WDR7: variants seen among roughly 807,000 people sequenced by gnomAD.
WDR7 encodes WD repeat domain 7.
In WDR7, 46 loss-of-function variants were observed where a neutral mutation model predicts 169.4. The ratio of observed to expected loss-of-function variants is 0.27; its 90% CI spans 0.21 to 0.35. The LOEUF (loss-of-function observed/expected upper bound fraction) is 0.35. WDR7 is among the 10% of genes least tolerant of loss of function. The pLI, the probability that WDR7 is intolerant of heterozygous loss-of-function variation, is 1.00. For synonymous variants in WDR7, 612 were observed against 666.8 expected (o/e 0.92, Z 1.27); for missense variants, 1,534 against 1,859.3 (o/e 0.83, Z 3.22).
chr18:56,912,304 CAG>C (rs1286026884), intron 21 of WDR7, among the ~76,000 whole-genome samples: 3 of 152,112 alleles, frequency 2.0e-5, no homozygotes, highest in Admixed American at 1.3e-4. Flanking sequence ...TCACATAAAC[CAG>C]AGACACTCAT....
chr18:56,898,633 C>G (rs1423414017), intron 21 of WDR7, among the ~76,000 whole-genome samples: 3 of 152,016 alleles, frequency 2.0e-5, no homozygotes, highest in Non-Finnish European at 4.4e-5. Context: ...AGAAAACATC[C>G]CAACTGAGAG....
chr18:56,925,414 C>T (rs896837088), intron 22 of WDR7, among the ~76,000 whole-genome samples: 28 of 152,042 alleles, frequency 1.8e-4, no homozygotes, highest in African/African-American at 5.6e-4. Flanking sequence ...TTGTTTTTTT[C>T]TTTCTTTCTC....
At position 56,704,200 on chromosome 18, in the gene WDR7, T is replaced by C. The variant is rs147399867; in HGVS notation, c.1578+7738T>C. On this transcript the variant is annotated intron_variant, in intron 12 of 27. Coordinates refer to ENST00000254442, the MANE Select transcript of WDR7 (RefSeq NM_015285.3). ...TGGTTTTATATTCTTGATAATTTTATGTTTTCCAAATTTGTACTACTATTC... is the reference window on the plus strand; with the variant it reads ...TGGTTTTATATTCTTGATAATTTTACGTTTTCCAAATTTGTACTACTATTC... Among the ~76,000 whole-genome samples the C allele has an allele frequency of 2.6e-5, 4 of 152,296 alleles. No homozygotes were observed. The East Asian group carries it at 7.7e-4, about 29-fold the overall frequency.
intron 20 of WDR7, among the ~76,000 whole-genome samples, chr18:56,876,955 G>C (rs1366295857): frequency 6.6e-6 from 1 of 152,116 alleles, no homozygotes; most frequent in Admixed American, 6.5e-5. Context: ...GGCGAAGGCA[G>C]GAAGATCACT....
At chr18:56,788,969 C>T (rs1278442740) in intron 19 of WDR7, among the ~76,000 whole-genome samples, 3 of 152,232 alleles carry the variant, frequency 2.0e-5, no homozygotes, top group South Asian at 2.1e-4. Flanking sequence ...ACACTGTATC[C>T]GTAGTGTATC....
chr18:56,817,927 T>C (rs943208659), intron 20 of WDR7, among the ~76,000 whole-genome samples: 2 of 152,110 alleles, frequency 1.3e-5, no homozygotes, highest in African/African-American at 4.8e-5. Flanking sequence ...GTATTTTTAG[T>C]AGAAACAGAG....
chr18:56,833,612 G>C (rs1182173545), intron 20 of WDR7, among the ~76,000 whole-genome samples: 2 of 152,086 alleles, frequency 1.3e-5, no homozygotes, highest in Non-Finnish European at 2.9e-5. Context: ...TGTATAAGTG[G>C]GTTTTTATGA....
intron 19 of WDR7, among the ~76,000 whole-genome samples, chr18:56,784,919 T>C (rs1568193254): frequency 6.7e-6 from 1 of 148,182 alleles, no homozygotes. Context: ...TTGTTGTTGT[T>C]TTTTTTTTTG....
At chr18:56,798,661 CTA>C (rs767429990) in intron 19 of WDR7, among the ~76,000 whole-genome samples, 16 of 152,124 alleles carry the variant, frequency 1.1e-4, no homozygotes, top group Non-Finnish European at 1.8e-4. Context: ...TAGTATTTTT[CTA>C]TGTTATTTAT....
chr18:57,018,866 C>A (rs1477832803), intron 26 of WDR7, among the ~76,000 whole-genome samples: 1 of 152,140 alleles, frequency 6.6e-6, no homozygotes, highest in African/African-American at 2.4e-5. Context: ...ATTAAACTGA[C>A]CTAGTAAGTG....
At position 56,709,898 on chromosome 18, in the gene WDR7, G is replaced by A. The variant is rs947854049; in HGVS notation, c.1579-8066G>A. 8.6e-5 allele frequency among the ~76,000 whole-genome samples: 13 copies of A among 151,344 alleles called. No homozygotes were observed. The East Asian group carries it at 1.9e-3, about 23-fold the overall frequency. On this transcript the variant is annotated intron_variant, in intron 12 of 27. Transcript: ENST00000254442. Reference sequence around the variant, plus strand: ...TAGTTTTCATTCCACCTTGATTAATGTATACCCACTGTTAACATTTTTGAA... The same window carrying A: ...TAGTTTTCATTCCACCTTGATTAATATATACCCACTGTTAACATTTTTGAA...
intron 14 of WDR7, among the ~76,000 whole-genome samples, chr18:56,750,673 G>C (rs932579902): frequency 6.6e-6 from 1 of 152,178 alleles, no homozygotes; most frequent in African/African-American, 2.4e-5. Flanking sequence ...ACATTGTTAA[G>C]AATATAAGCT....
chr18:56,710,188 A>T (rs1026327017), intron 12 of WDR7, among the ~76,000 whole-genome samples: 6 of 151,814 alleles, frequency 4.0e-5, no homozygotes, highest in Non-Finnish European at 4.4e-5. Flanking sequence ...TATTTTTAGT[A>T]GACACGGGGT....
At chr18:57,001,038 T>C (rs1442087626) in intron 26 of WDR7, among the ~76,000 whole-genome samples, 1 of 137,264 alleles carries the variant, frequency 7.3e-6, no homozygotes, top group East Asian at 2.2e-4. Context: ...TGAGACCCCA[T>C]CTCTACAAAA....
chr18:56,951,101 C>T (rs968991436), intron 25 of WDR7, among the ~76,000 whole-genome samples: 2 of 152,174 alleles, frequency 1.3e-5, no homozygotes, highest in South Asian at 2.1e-4. Context: ...TTGGTCTCAC[C>T]GTTCAGGTCA....
At chr18:56,916,359 C>T (rs1368119278) in intron 21 of WDR7, among the ~76,000 whole-genome samples, 2 of 150,676 alleles carry the variant, frequency 1.3e-5, no homozygotes, top group East Asian at 2.0e-4. Context: ...TGAGTGAGAA[C>T]ATGCGGTGTT....
chr18:56,891,296 T>A (rs1241846128), intron 21 of WDR7, among the ~76,000 whole-genome samples: 19 of 152,160 alleles, frequency 1.2e-4, no homozygotes, highest in Non-Finnish European at 4.4e-5. Flanking sequence ...GAACCAGAGC[T>A]TGGTTTCGAA....
At chr18:56,933,971 T>C (rs2046924475) in intron 22 of WDR7, among the ~76,000 whole-genome samples, 6 of 152,222 alleles carry the variant, frequency 3.9e-5, no homozygotes, top group Admixed American at 3.9e-4. Context: ...TTGTCAGAGA[T>C]GTTGCCTGGG....
chr18:56,821,749 C>T (rs2045101041), intron 20 of WDR7, among the ~76,000 whole-genome samples: 1 of 150,224 alleles, frequency 6.7e-6, no homozygotes, highest in South Asian at 2.1e-4. Flanking sequence ...AATCCCAGCA[C>T]TTTGGAGAGC....
Sources: allele counts gnomAD v4.1 joint callset (sites outside exome capture counted in the v4.1 genomes callset), GRCh38; gene constraint gnomAD v4.1.1; transcripts MANE v1.5; gene names NCBI Gene and HGNC (gene_info 2026-07-23, HGNC 2026-07-21).